GALNT13: variants seen among roughly 807,000 people sequenced by gnomAD.
GALNT13 encodes the protein UDP-GalNAc:polypeptide N-acetylgalactosaminyltransferase 13.
A neutral mutation model predicts 64.2 loss-of-function variants in GALNT13; 28 were observed. That is an observed-to-expected ratio of 0.44 (90% CI 0.32 to 0.60). GALNT13 has a LOEUF of 0.60. Ranked by LOEUF, GALNT13 falls within the 20% of genes least tolerant of loss-of-function variation. GALNT13 has a pLI of 0.05. For missense variants in GALNT13, 577 were observed against 669.8 expected (o/e 0.86, Z 1.53); for synonymous variants, 214 against 224.6 (o/e 0.95, Z 0.42).
chr2:154,101,484 G>GT (rs2105464607), intron 3 of GALNT13, among the ~76,000 whole-genome samples: 1 of 151,980 alleles, frequency 6.6e-6, no homozygotes, highest in Admixed American at 6.6e-5. Context: ...TATTTCCGTG[G>GT]TATCAACTGC....
At chr2:154,319,847 AGTT>A (rs1461321184) in intron 9 of GALNT13, among the ~76,000 whole-genome samples, 2 of 152,046 alleles carry the variant, frequency 1.3e-5, no homozygotes, top group Admixed American at 1.3e-4. Flanking sequence ...TGTTTGTAGT[AGTT>A]ATTTTTTCAT....
In GALNT13 at chr2:154,099,835, G is replaced by A. The variant is rs1702258263; in HGVS notation, c.143-40502G>A. ...CATGCCTGTGGTCCCAGCTGCAAGGGGAGCTGAGACTAGAGAATCACTTGA... is the reference window on the plus strand; with the variant it reads ...CATGCCTGTGGTCCCAGCTGCAAGGAGAGCTGAGACTAGAGAATCACTTGA... On this transcript the variant is annotated intron_variant, in intron 3 of 12. Transcript: ENST00000392825. Among the ~76,000 whole-genome samples the A allele has an allele frequency of 2.0e-5, 3 of 152,058 alleles. No individual in the cohort carries two copies. In the South Asian group the frequency reaches 6.2e-4, roughly 31 times the overall value.
the GALNT13 span, among the ~76,000 whole-genome samples, chr2:153,437,908 T>C: frequency 6.6e-6 from 1 of 152,234 alleles, no homozygotes; most frequent in African/African-American, 2.4e-5. Context: ...GTTGATGCAG[T>C]TTCTTCCTAG....
intron 3 of GALNT13, among the ~76,000 whole-genome samples, chr2:154,053,771 G>T (rs1197153590): frequency 6.6e-6 from 1 of 152,104 alleles, no homozygotes; most frequent in East Asian, 1.9e-4. Context: ...TTTGAATCTG[G>T]GCTGACAGTG....
At chr2:153,557,583 C>T in the GALNT13 span, among the ~76,000 whole-genome samples, 1 of 152,184 alleles carries the variant, frequency 6.6e-6, no homozygotes, top group East Asian at 1.9e-4. Context: ...ACATTTGCAA[C>T]ACCAGTTTGC....
intron 1 of GALNT13, among the ~76,000 whole-genome samples, chr2:153,872,624 G>GGT (rs1489600492): frequency 1.0e-5 from 1 of 99,258 alleles, no homozygotes. Context: ...GGTGGCGGGG[G>GGT]GGGGGGGGGG....
chr2:153,462,040 T>C, the GALNT13 span, among the ~76,000 whole-genome samples: 1 of 152,118 alleles, frequency 6.6e-6, no homozygotes, highest in Non-Finnish European at 1.5e-5. Context: ...TTCACTTTCT[T>C]AAAATCCCAA....
At chr2:153,621,903 C>A in the GALNT13 span, among the ~76,000 whole-genome samples, 1 of 152,076 alleles carries the variant, frequency 6.6e-6, no homozygotes, top group African/African-American at 2.4e-5. Flanking sequence ...GATAGTAATA[C>A]AGAGTGAAAC....
chr2:153,833,380 A>T, the GALNT13 span, among the ~76,000 whole-genome samples: 3 of 152,152 alleles, frequency 2.0e-5, no homozygotes, highest in Non-Finnish European at 2.9e-5. Flanking sequence ...GATCTACAGT[A>T]AGAACAAATC....
At chr2:153,090,759 T>A in the GALNT13 span, among the ~76,000 whole-genome samples, 2 of 152,250 alleles carry the variant, frequency 1.3e-5, no homozygotes, top group Middle Eastern at 3.4e-3. Context: ...GTTAGGCAAG[T>A]CTGGACTCAA....
At chr2:153,784,610 A>G in the GALNT13 span, among the ~76,000 whole-genome samples, 2 of 152,192 alleles carry the variant, frequency 1.3e-5, no homozygotes, top group African/African-American at 4.8e-5. Flanking sequence ...GCACTCCCAG[A>G]GCCCCAGGAG....
the GALNT13 span, among the ~76,000 whole-genome samples, chr2:153,439,795 G>A: frequency 5.9e-5 from 9 of 152,122 alleles, no homozygotes; most frequent in South Asian, 2.1e-4. Flanking sequence ...TCCCTGCTTC[G>A]GCTCACACAT....
At chr2:153,255,600 G>A in the GALNT13 span, among the ~76,000 whole-genome samples, 2 of 152,054 alleles carry the variant, frequency 1.3e-5, no homozygotes, top group African/African-American at 2.4e-5. Flanking sequence ...TGCAGCGGCT[G>A]GTACCGGTTG....
At chr2:153,895,369 C>T (rs2105278105) in intron 1 of GALNT13, among the ~76,000 whole-genome samples, 1 of 152,140 alleles carries the variant, frequency 6.6e-6, no homozygotes, top group Middle Eastern at 3.4e-3. Context: ...TATTTGTAAG[C>T]ATTTTTCTTT....
the GALNT13 span, among the ~76,000 whole-genome samples, chr2:153,841,704 T>G: frequency 2.6e-5 from 4 of 152,202 alleles, no homozygotes; most frequent in Non-Finnish European, 5.9e-5. Context: ...AATGTGCCTA[T>G]GTTTTGAGAA....
chr2:153,875,104 A>G (rs1175578686), intron 1 of GALNT13, among the ~76,000 whole-genome samples: 1 of 71,680 alleles, frequency 1.4e-5, no homozygotes, highest in Admixed American at 2.0e-4. Context: ...GGATTCCCCT[A>G]CTGCTTCATA....
At chr2:153,810,109 C>T in the GALNT13 span, among the ~76,000 whole-genome samples, 11 of 152,004 alleles carry the variant, frequency 7.2e-5, no homozygotes, top group East Asian at 3.9e-4. Flanking sequence ...TGCAGGCGCC[C>T]GCCACCACGC....
chr2:153,889,129 C>T (rs1687378353), intron 1 of GALNT13, among the ~76,000 whole-genome samples: 1 of 151,872 alleles, frequency 6.6e-6, no homozygotes, highest in Non-Finnish European at 1.5e-5. Context: ...TTCTAAGTTT[C>T]CTGGCAGTTT....
At chr2:153,992,264 G>C (rs1172869962) in intron 3 of GALNT13, among the ~76,000 whole-genome samples, 1 of 152,116 alleles carries the variant, frequency 6.6e-6, no homozygotes, top group East Asian at 1.9e-4. Context: ...TAATAGTTGT[G>C]TGTTTTAATG....
Sources: allele counts gnomAD v4.1 joint callset (sites outside exome capture counted in the v4.1 genomes callset), GRCh38; gene constraint gnomAD v4.1.1; transcripts MANE v1.5; gene names NCBI Gene and HGNC (gene_info 2026-07-23, HGNC 2026-07-21).